The following RAPGEF6 variants were observed in gnomAD, a reference collection of about 807,000 sequenced individuals.
The protein encoded by RAPGEF6 is Rap guanine nucleotide exchange factor 6.
In RAPGEF6, 56 loss-of-function variants were observed where a neutral mutation model predicts 171.4. That is an observed-to-expected ratio of 0.33 (90% CI 0.26 to 0.41). RAPGEF6 has a LOEUF of 0.41. Among genes scored for constraint, RAPGEF6 ranks in the 10% least tolerant of loss-of-function variants. The pLI is 1.00. For synonymous variants in RAPGEF6, 692 were observed against 650.1 expected (o/e 1.06, Z -0.98); for missense variants, 1,674 against 1,921.4 (o/e 0.87, Z 2.41).
intron 4 of RAPGEF6, among the ~76,000 whole-genome samples, chr5:131,578,808 A>C (rs1480044559): frequency 6.6e-6 from 1 of 152,196 alleles, no homozygotes; most frequent in Non-Finnish European, 1.5e-5. Context: ...AAACATTAGC[A>C]GTCACTATTG....
intron 7 of RAPGEF6, among the ~76,000 whole-genome samples, chr5:131,510,929 G>C (rs1757674664): frequency 6.6e-6 from 1 of 152,128 alleles, no homozygotes; most frequent in African/African-American, 2.4e-5. Context: ...CAGAGACTTA[G>C]GCTTAGTAGG....
chr5:131,460,650 A>T (rs1753856418), intron 19 of RAPGEF6, among the ~76,000 whole-genome samples: 1 of 152,178 alleles, frequency 6.6e-6, no homozygotes, highest in Non-Finnish European at 1.5e-5. Flanking sequence ...TTCCACTGAC[A>T]CATTGCTACT....
chr5:131,453,399 G>A (rs1753242557), intron 20 of RAPGEF6, among the ~76,000 whole-genome samples: 1 of 152,108 alleles, frequency 6.6e-6, no homozygotes, highest in Non-Finnish European at 1.5e-5. Flanking sequence ...TATGAATAAA[G>A]TCAAATGATA....
intron 19 of RAPGEF6, among the ~76,000 whole-genome samples, chr5:131,459,050 A>G (rs1753717186): frequency 6.6e-6 from 1 of 152,236 alleles, no homozygotes; most frequent in Non-Finnish European, 1.5e-5. Context: ...GTATGAAGAG[A>G]GTCATAAGGG....
intron 5 of RAPGEF6, among the ~76,000 whole-genome samples, chr5:131,559,334 G>GAAAATA (rs1171145179): frequency 1.4e-4 from 22 of 151,728 alleles, no homozygotes; most frequent in Admixed American, 7.9e-4. Context: ...ATCACAAAAT[G>GAAAATA]AAAATAAAAA....
intron 6 of RAPGEF6, among the ~76,000 whole-genome samples, chr5:131,542,361 T>TA (rs1209429862): frequency 1.3e-5 from 2 of 152,162 alleles, no homozygotes; most frequent in African/African-American, 4.8e-5. Flanking sequence ...AGCCCTTTTT[T>TA]ATATATTATC....
At chr5:131,477,667 A>G (rs930094124) in intron 16 of RAPGEF6, among the ~76,000 whole-genome samples, 13 of 152,194 alleles carry the variant, frequency 8.5e-5, no homozygotes, top group Non-Finnish European at 1.6e-4. Context: ...ACTTGAGTAC[A>G]GCTGGTGAGA....
chr5:131,464,647 CA>C (rs1754199986), intron 17 of RAPGEF6, among the ~76,000 whole-genome samples: 1 of 151,926 alleles, frequency 6.6e-6, no homozygotes. Context: ...TTCAATTATC[CA>C]AACCCCTAAT....
chr5:131,474,081 CT>C (rs1459577682), intron 16 of RAPGEF6, among the ~76,000 whole-genome samples: 2 of 152,186 alleles, frequency 1.3e-5, no homozygotes, highest in Non-Finnish European at 2.9e-5. Flanking sequence ...CCCAGGAATA[CT>C]GAAAAATCAG....
intron 4 of RAPGEF6, among the ~76,000 whole-genome samples, chr5:131,580,072 G>A (rs551045391): frequency 9.8e-4 from 149 of 152,332 alleles, no homozygotes; most frequent in African/African-American, 3.4e-3. Context: ...GGGACCAGGC[G>A]CCGCAGAGCA....
intron 5 of RAPGEF6, among the ~76,000 whole-genome samples, chr5:131,559,571 T>G (rs559246819): frequency 6.6e-6 from 1 of 152,182 alleles, no homozygotes; most frequent in East Asian, 1.9e-4. Flanking sequence ...CACCTGTAAG[T>G]CCAACACTTG....
chr5:131,528,118 TA>T (rs1759039131), intron 6 of RAPGEF6, among the ~76,000 whole-genome samples: 10 of 126,174 alleles, frequency 7.9e-5, no homozygotes, highest in African/African-American at 2.8e-4. Flanking sequence ...ATATATCATA[TA>T]AAATATATAT....
At chr5:131,483,820 G>A (rs1385013044) in intron 15 of RAPGEF6, among the ~76,000 whole-genome samples, 1 of 152,042 alleles carries the variant, frequency 6.6e-6, no homozygotes, top group African/African-American at 2.4e-5. Context: ...CTTTACAGAG[G>A]CCGGGCGTGG....
intron 13 of RAPGEF6, among the ~76,000 whole-genome samples, chr5:131,495,052 T>C (rs1756540822): frequency 6.6e-6 from 1 of 152,156 alleles, no homozygotes. Flanking sequence ...CTCAGCACTC[T>C]GGAAGGCCGA....
intron 3 of RAPGEF6, among the ~76,000 whole-genome samples, chr5:131,596,155 T>TA (rs36079255): frequency 0.66 from 83,447 of 126,912 alleles, 27,710 homozygotes; most frequent in Non-Finnish European, 0.77. Context: ...CTCCATCATA[T>TA]AAAAAAAAAA....
intron 7 of RAPGEF6, among the ~76,000 whole-genome samples, chr5:131,511,481 C>T (rs913768010): frequency 1.1e-4 from 15 of 137,314 alleles, no homozygotes; most frequent in East Asian, 2.2e-4. Context: ...AAAAGATCAT[C>T]TTTTTTTTTT....
chr5:131,460,364 T>C (rs1413221417), intron 19 of RAPGEF6, among the ~76,000 whole-genome samples: 1 of 152,192 alleles, frequency 6.6e-6, no homozygotes, highest in Non-Finnish European at 1.5e-5. Flanking sequence ...GTCATCATAC[T>C]AAGGTATGGT....
intron 17 of RAPGEF6, among the ~76,000 whole-genome samples, chr5:131,469,367 T>C (rs1754591587): frequency 6.6e-6 from 1 of 151,976 alleles, no homozygotes; most frequent in Non-Finnish European, 1.5e-5. Flanking sequence ...AAACTAATAA[T>C]AAAAAATTTT....
At chr5:131,606,029 CAAAA>C (rs1168486376) in intron 1 of RAPGEF6, among the ~76,000 whole-genome samples, 13 of 70,560 alleles carry the variant, frequency 1.8e-4, no homozygotes, top group Non-Finnish European at 2.5e-4. Context: ...GACTCCATCT[CAAAA>C]AAAAAAAAAA....
Sources: allele counts gnomAD v4.1 joint callset (sites outside exome capture counted in the v4.1 genomes callset), GRCh38; gene constraint gnomAD v4.1.1; transcripts MANE v1.5; gene names NCBI Gene and HGNC (gene_info 2026-07-23, HGNC 2026-07-21).